Variants in ZNF397 observed in about 807,000 individuals in gnomAD.
ZNF397 encodes zinc finger and SCAN domain-containing protein 15.
In ZNF397, 38 loss-of-function variants were observed where a neutral mutation model predicts 50.6. The ratio of observed to expected loss-of-function variants is 0.75; its 90% CI spans 0.58 to 0.98. The LOEUF (loss-of-function observed/expected upper bound fraction) is 0.98. Ranked by LOEUF, ZNF397 falls within the 50% of genes least tolerant of loss-of-function variation. ZNF397 has a pLI of 0.00. For missense variants in ZNF397, 624 were observed against 624.1 expected, an observed-to-expected ratio of 1.00 and a Z score of 0.00; for synonymous variants, 228 against 215.2, an observed-to-expected ratio of 1.06 and a Z score of -0.52.
chr18:35,250,078 A>G (rs898982773), downstream of ZNF397, among the ~76,000 whole-genome samples: 6 of 152,380 alleles, frequency 3.9e-5, no homozygotes, highest in African/African-American at 1.4e-4. Context: ...TGGTAAACAT[A>G]ACCATCTCAC....
Position 35,245,564 on chromosome 18 carries a change from T to TG in ZNF397, c.860dup (p.Cys287TrpfsTer2). On this transcript the variant is annotated frameshift_variant, in exon 4 of 4. Transcript: ENST00000330501. LOFTEE classifies it high-confidence loss of function. Reference sequence around the variant, plus strand: ...TCCTCCAGAAGAGAGACCTTATAGATGTGATGTATGTGGGCACAGCTTCAA... The same window carrying TG: ...TCCTCCAGAAGAGAGACCTTATAGATGGTGATGTATGTGGGCACAGCTTCAA... The TG allele has an allele frequency of 6.4e-7, 1 of 1,552,554 alleles. No individual in the cohort carries two copies. Among genetic ancestry groups the TG allele is most frequent in the South Asian group, 1.2e-5 (1 of 84,074 alleles).
chr18:35,248,067 G>C lies in ZNF397; in HGVS notation c.*1757G>C, dbSNP rs1427338310. Reference sequence around the variant, plus strand: ...AGACTTCCCTTTTCTGAGGGGCCTAGCAGGAAGAGAATATTTAGACTGATG... The same window carrying C: ...AGACTTCCCTTTTCTGAGGGGCCTACCAGGAAGAGAATATTTAGACTGATG... On this transcript the variant is annotated 3_prime_UTR_variant, in exon 4 of 4. Coordinates refer to ENST00000330501, the MANE Select transcript of ZNF397 (RefSeq NM_001135178.3). The C allele has an allele frequency of 6.6e-6, 1 of 152,196 alleles. No homozygotes were observed. Among genetic ancestry groups the C allele is most frequent in the Non-Finnish European group, 1.5e-5 (1 of 68,042 alleles). 9.4% of individuals were successfully genotyped at this position (152,196 alleles called of 1,614,324 possible).
At chr18:35,253,416 G>C, downstream of ZNF397, 1 of 1,515,394 alleles carries the variant, frequency 6.6e-7, no homozygotes, top group Non-Finnish European at 8.9e-7. Flanking sequence ...TGAACTCCTT[G>C]CATTTCACAA....
At position 35,245,944 on chromosome 18, in the gene ZNF397, T is replaced by A; in HGVS notation, c.1239T>A (p.Ile413=). The A allele has an allele frequency of 6.3e-7, 1 of 1,580,328 alleles. No individual in the cohort carries two copies. The highest frequency in any genetic ancestry group is 8.6e-7 in the Non-Finnish European group (1 of 1,162,914). Residue 413 remains isoleucine (I), a synonymous_variant, in exon 4 of 4, where the codon ATT becomes ATA. Transcript: ENST00000330501. ...CCTTTAGCCAGAGCTCAAAACTCAT[T>A]AGACATCAGCGAATTCACACAGGAG... is the stretch of plus-strand genomic sequence containing the variant. The part of the protein sequence containing the change: ...GKTFSQSSKL[I]RHQRIHTGER...
downstream of ZNF397, chr18:35,253,531 A>C (rs760251947): frequency 1.5e-5 from 25 of 1,613,582 alleles, no homozygotes; most frequent in East Asian, 5.3e-4. Context: ...TACATTCATA[A>C]GGCTTCTCTC....
downstream of ZNF397, chr18:35,249,877 G>T (rs1011352132): frequency 6.6e-6 from 1 of 152,000 alleles, no homozygotes; most frequent in African/African-American, 2.4e-5. Context: ...GCTTTTTTGT[G>T]TTTTCCAAAT....
rs1440476086 is a variant in ZNF397, at chr18:35,249,587, A to C, written c.*3277A>C. The stretch of plus-strand genomic sequence containing the variant: ...AGAATTGCATGAACCCGGGAGGTGG[A>C]GGTTGCAGTGAGCCGAGATTGTACC... On this transcript the variant is annotated 3_prime_UTR_variant, in exon 4 of 4. Coordinates refer to ENST00000330501, the MANE Select transcript of ZNF397 (RefSeq NM_001135178.3). 8.0e-6 allele frequency: 1 copy of C among 125,100 alleles called. No homozygotes were observed. The highest frequency in any genetic ancestry group is 1.6e-5 in the Non-Finnish European group (1 of 63,146). The allele number at this position is 125,100 out of a possible 1,614,324, so 7.7% of individuals were successfully genotyped here. A position where few individuals can be genotyped will look rare whatever the true frequency, so the allele number is the denominator to read the frequency against.
At position 35,248,416 on chromosome 18, in the gene ZNF397, TACTCA is replaced by T. The variant is rs1204784773; in HGVS notation, c.*2111_*2115del. 3.3e-5 allele frequency: 5 copies of T among 152,200 alleles called. No homozygotes were observed. Among genetic ancestry groups the T allele is most frequent in the African/African-American group, 1.2e-4 (5 of 41,434 alleles). The allele number at this position is 152,200 out of a possible 1,614,324, so 9.4% of individuals were successfully genotyped here. ...AGAGATTAAAATACGTGGTAAGAGCTACTCAACTCTTGTTTTTCTCCTTTTCCATA... is the reference window on the plus strand; with the variant it reads ...AGAGATTAAAATACGTGGTAAGAGCTACTCTTGTTTTTCTCCTTTTCCATA... On this transcript the variant is annotated 3_prime_UTR_variant, in exon 4 of 4. Transcript: ENST00000330501.
rs2143672007 is a variant in ZNF397, at chr18:35,257,603, GAAGT to G, written c.818-322_818-319del. ...AACTTCTCAGCCTCCAGAACTGTGAGAAGTAAATCCGTGTTGTTTACAAGCCACT... is the reference window on the plus strand; with the variant it reads ...AACTTCTCAGCCTCCAGAACTGTGAGAAATCCGTGTTGTTTACAAGCCACT... On this transcript the variant is annotated intron_variant, in intron 5 of 5. Coordinates refer to the ZNF397 transcript ENST00000261333. The G allele has an allele frequency of 1.2e-5, 4 of 344,620 alleles. No individual in the cohort carries two copies. In the South Asian group the frequency reaches 1.8e-4, roughly 16 times the overall value. 21.3% of individuals were successfully genotyped at this position (344,620 alleles called of 1,614,324 possible).
In ZNF397 at chr18:35,245,968, A is replaced by G; in HGVS notation, c.1263A>G (p.Gly421=). ...TTAGACATCAGCGAATTCACACAGG[A>G]GAGAGACCCTATGAATGTAATGAAT... ...KLIRHQRIHT[G]ERPYECNECG... Residue 421 remains glycine, a synonymous_variant, in exon 4 of 4, where the codon GGA becomes GGG. Coordinates refer to ENST00000330501, the MANE Select transcript of ZNF397 (RefSeq NM_001135178.3). 2 of 1,582,918 alleles carry G rather than the reference A, an allele frequency of 1.3e-6. No individual in the cohort carries two copies. Among genetic ancestry groups the G allele is most frequent in the Non-Finnish European group, 1.7e-6 (2 of 1,164,232 alleles).
intron 2 of ZNF397, 108 bp from the exon 3 acceptor site, chr18:35,243,044 C>T (rs575871241): frequency 2.0e-6 from 3 of 1,537,532 alleles, no homozygotes; most frequent in Admixed American, 3.9e-5. Context: ...GTCTTTTTCC[C>T]CTGTCCTTCA....
downstream of ZNF397, chr18:35,254,226 T>C (rs763700540): frequency 6.2e-7 from 1 of 1,614,152 alleles, no homozygotes; most frequent in South Asian, 1.1e-5. Context: ...CCCTTTTGCT[T>C]CTTAGAGTTG....
intron 1 of ZNF397, among the ~76,000 whole-genome samples, chr18:35,241,897 TAAATG>T (rs753685907): frequency 9.2e-5 from 14 of 152,206 alleles, no homozygotes; most frequent in Non-Finnish European, 1.8e-4. Context: ...ATTACTGCCT[TAAATG>T]AAAATCAACA....
chr18:35,258,887 A>T (rs1165807985), downstream of ZNF397: 1 of 152,104 alleles, frequency 6.6e-6, no homozygotes. Flanking sequence ...AAAAAAAAAA[A>T]AAAAAAAAAA....
intron 3 of ZNF397, 108 bp downstream of exon 3, chr18:35,243,401 A>G (rs1046216543): frequency 6.5e-6 from 10 of 1,536,406 alleles, no homozygotes; most frequent in African/African-American, 1.4e-5. Flanking sequence ...CATCACCTTT[A>G]TTATTCTAAA....
chr18:35,246,743 T>A lies in ZNF397; in HGVS notation c.*433T>A. ...AAAAAACTGACCCAATAAAGAACAGTGACAGAGCAGCAGGAAAGGTGGGGA... is the reference window on the plus strand; with the variant it reads ...AAAAAACTGACCCAATAAAGAACAGAGACAGAGCAGCAGGAAAGGTGGGGA... On this transcript the variant is annotated 3_prime_UTR_variant, in exon 4 of 4. Transcript: ENST00000330501. 9.1e-6 allele frequency: 9 copies of A among 986,104 alleles called. No homozygotes were observed. Among genetic ancestry groups the A allele is most frequent in the Non-Finnish European group, 1.1e-5 (9 of 832,050 alleles). 61.1% of individuals were successfully genotyped at this position (986,104 alleles called of 1,614,324 possible). A position where few individuals can be genotyped will look rare whatever the true frequency, so the allele number is the denominator to read the frequency against.
intron 5 of ZNF397, among the ~76,000 whole-genome samples, chr18:35,255,505 A>T (rs558625541): frequency 2.0e-4 from 31 of 152,132 alleles, no homozygotes; most frequent in Non-Finnish European, 3.8e-4. Flanking sequence ...CATTCTTAAC[A>T]TCAAAACTTG....
rs1310910882 is a variant in ZNF397, at chr18:35,248,099, G to A, written c.*1789G>A. 1 of 152,232 alleles carries A rather than the reference G, an allele frequency of 6.6e-6. No individual in the cohort carries two copies. Among genetic ancestry groups the A allele is most frequent in the African/African-American group, 2.4e-5 (1 of 41,462 alleles). 9.4% of individuals were successfully genotyped at this position (152,232 alleles called of 1,614,324 possible). A position where few individuals can be genotyped will look rare whatever the true frequency, so the allele number is the denominator to read the frequency against. On this transcript the variant is annotated 3_prime_UTR_variant, in exon 4 of 4. Transcript: ENST00000330501. ...GAGAATATTTAGACTGATGCTTAGT[G>A]TAAGAAGGAATGTTGTACAGGTTAA...
chr18:35,254,531 T>C, downstream of ZNF397: 1 of 1,475,302 alleles, frequency 6.8e-7, no homozygotes. Context: ...TTCAGAGAAG[T>C]GGCCTGGGGT....
Sources: allele counts gnomAD v4.1 joint callset (sites outside exome capture counted in the v4.1 genomes callset), GRCh38; gene constraint gnomAD v4.1.1; transcripts MANE v1.5; gene names NCBI Gene and HGNC (gene_info 2026-07-23, HGNC 2026-07-21).